Variants in CDK15 observed in about 807,000 individuals in gnomAD.
CDK15 encodes the protein cyclin dependent kinase 15, also known as cyclin-dependent kinase 15.
CDK15 carries 62 observed loss-of-function variants against 60.3 expected under a neutral mutation model. The ratio of observed to expected loss-of-function variants is 1.03; its 90% CI spans 0.84 to 1.27. The LOEUF is 1.27. Ranked by LOEUF, CDK15 falls within the 50% of genes most tolerant of loss-of-function variation. CDK15 has a pLI of 0.00. For missense variants in CDK15, 541 were observed against 527.8 expected, an observed-to-expected ratio of 1.03 and a Z score of -0.25; for synonymous variants, 194 against 195.7, an observed-to-expected ratio of 0.99 and a Z score of 0.07.
rs1385628938 is a variant in CDK15, at chr2:201,833,900, T to C, written c.659T>C (p.Val220Ala). The change falls in exon 7 of 14, where the codon GTT (valine) becomes GCT (alanine). Residue 220 changes from valine to alanine, a missense_variant. Coordinates refer to ENST00000652192, the MANE Select transcript of CDK15 (RefSeq NM_001366386.2). ...CTGGCGTACATCCACCACCAACACG[T>C]TCTTCACAGGGACCTGAAACCTCAG... ...RGLAYIHHQH[V>A]LHRDLKPQNL... The C allele has an allele frequency of 3.1e-6, 5 of 1,614,018 alleles. No homozygotes were observed. In the South Asian group the frequency reaches 5.5e-5, roughly 18 times the overall value.
chr2:201,876,705 G>A (rs957143972), intron 11 of CDK15: 13 of 469,508 alleles, frequency 2.8e-5, no homozygotes, highest in Admixed American at 2.1e-4. Context: ...TGGTTGAAAT[G>A]GAAAATCCTA....
intron 10 of CDK15, among the ~76,000 whole-genome samples, chr2:201,857,984 T>C (rs563782828): frequency 3.3e-5 from 5 of 152,204 alleles, no homozygotes; most frequent in African/African-American, 1.2e-4. Flanking sequence ...CCCATTCCTT[T>C]CCTTTTCATT....
rs544456965 is a variant in CDK15, at chr2:201,883,803, C to T, written c.1198+3636C>T. ...TCGTGGCTGAGCCAGCAGGGCAGGA[C>T]GTCAGCTGGAGCAGCTAGGACCTAA... On this transcript the variant is annotated intron_variant, in intron 12 of 13. Coordinates refer to ENST00000652192, the MANE Select transcript of CDK15 (RefSeq NM_001366386.2). Among the ~76,000 whole-genome samples, 19 of 152,336 alleles carry T rather than the reference C, an allele frequency of 1.2e-4. No homozygotes were observed. In the South Asian group the frequency reaches 3.3e-3, roughly 27 times the overall value.
chr2:201,830,200 C>T (rs1467138064), intron 6 of CDK15, among the ~76,000 whole-genome samples: 3 of 152,118 alleles, frequency 2.0e-5, no homozygotes, highest in African/African-American at 7.2e-5. Flanking sequence ...CTTGGCCTCC[C>T]AAAGTTCTGG....
chr2:201,858,352 C>T (rs192114550), intron 10 of CDK15, among the ~76,000 whole-genome samples: 15 of 150,214 alleles, frequency 1.0e-4, no homozygotes, highest in African/African-American at 3.7e-4. Flanking sequence ...TCCCTCCCTC[C>T]CTTCCTTCCT....
At chr2:201,830,500 A>C (rs1324526422) in intron 6 of CDK15, among the ~76,000 whole-genome samples, 1 of 152,206 alleles carries the variant, frequency 6.6e-6, no homozygotes, top group Non-Finnish European at 1.5e-5. Context: ...TAGGGGGATG[A>C]ATTTTGTATT....
intron 12 of CDK15, chr2:201,889,351 A>T: frequency 1.0e-6 from 1 of 984,762 alleles, no homozygotes; most frequent in Non-Finnish European, 1.2e-6. Context: ...TGCTTTGGTG[A>T]CAATGTGGCT....
chr2:201,822,755 G>T, intron 4 of CDK15, 54 bp from the exon 5 acceptor site: 1 of 1,014,614 alleles, frequency 9.9e-7, no homozygotes, highest in South Asian at 1.3e-5. Flanking sequence ...GATATCTTTA[G>T]AGCAGCACTT....
At chr2:201,888,425 T>C (rs1335371917) in intron 12 of CDK15, 5 of 1,529,908 alleles carry the variant, frequency 3.3e-6, no homozygotes, top group African/African-American at 1.4e-5. Context: ...TCAAAAAATT[T>C]TTAAACACCC....
rs145905632 is a variant in CDK15, at chr2:201,833,866, T to C, written c.625T>C (p.Leu209=). 444 of 1,613,856 alleles carry C rather than the reference T, an allele frequency of 2.8e-4. No individual in the cohort carries two copies. Among genetic ancestry groups the C allele is most frequent in the Non-Finnish European group, 3.5e-4 (410 of 1,179,942 alleles). ...HNVRLFMFQL[L]RGLAYIHHQH... is the part of the protein sequence containing the mutation. Reference sequence around the variant, plus strand: ...CTTCCAGCTTTTCATGTTTCAACTTTTGCGGGGCCTGGCGTACATCCACCA... The same window carrying C: ...CTTCCAGCTTTTCATGTTTCAACTTCTGCGGGGCCTGGCGTACATCCACCA... The change falls in exon 7 of 14, where the codon TTG becomes CTG. Residue 209 remains leucine (L), a synonymous_variant. Transcript: ENST00000652192.
chr2:201,851,322 A>C (rs1009339209), intron 9 of CDK15, among the ~76,000 whole-genome samples: 1 of 149,198 alleles, frequency 6.7e-6, no homozygotes, highest in African/African-American at 2.5e-5. Flanking sequence ...AAAAAAGAAC[A>C]GAAATTTATT....
chr2:201,837,435 AAGGAAGGAAGGAAAGGAAGG>A (rs1294826956), intron 8 of CDK15, among the ~76,000 whole-genome samples: 1 of 80,352 alleles, frequency 1.2e-5, no homozygotes, highest in African/African-American at 5.3e-5. Context: ...GGAGGAAGGG[AAGGAAGGAAGGAAAGGAAGG>A]AAGGAAGGAA....
intron 6 of CDK15, among the ~76,000 whole-genome samples, chr2:201,826,707 A>C (rs1030707768): frequency 3.3e-5 from 5 of 152,222 alleles, no homozygotes; most frequent in Non-Finnish European, 7.3e-5. Context: ...AGCAACCTGC[A>C]TTTTAAAAAA....
rs1017727754 is a variant in CDK15, at chr2:201,847,395, T to C, written c.866T>C (p.Ile289Thr). 5.0e-6 allele frequency: 8 copies of C among 1,613,958 alleles called. No individual in the cohort carries two copies. In the African/African-American group the frequency reaches 9.3e-5, roughly 19 times the overall value. The change falls in exon 9 of 14, where the codon ATC becomes ACC. Residue 289 changes from isoleucine (I) to threonine (T), a missense_variant. Coordinates refer to ENST00000652192, the MANE Select transcript of CDK15 (RefSeq NM_001366386.2). ...SELDIWGAGC[I>T]FIEMFQGQPL... ...TCATTTGCTAGGGGTGCAGGCTGCA[T>C]CTTTATTGAAATGTTCCAGGGTCAA...
chr2:201,870,534 G>A (rs928337998), intron 10 of CDK15, among the ~76,000 whole-genome samples: 7 of 131,414 alleles, frequency 5.3e-5, no homozygotes, highest in Non-Finnish European at 1.0e-4. Flanking sequence ...AAAAAAAAAA[G>A]CGAGACTCCC....
At chr2:201,806,933 G>A in intron 1 of CDK15, 146 bp downstream of exon 1, 10 of 985,180 alleles carry the variant, frequency 1.0e-5, no homozygotes, top group African/African-American at 8.2e-5. Flanking sequence ...AAAATTTATG[G>A]CTGTAGTTAT....
At chr2:201,836,073 T>TTTATATATATATTTTTATATA (rs869308361) in intron 8 of CDK15, among the ~76,000 whole-genome samples, 57 of 106,666 alleles carry the variant, frequency 5.3e-4, no homozygotes, top group African/African-American at 2.1e-3. Context: ...TATATTTATA[T>TTTATATATATATTTTTATATA]TTATATATAT....
intron 6 of CDK15, 148 bp downstream of exon 6, chr2:201,823,875 CGTTTTTGTTTTT>C: frequency 4.7e-6 from 3 of 632,360 alleles, no homozygotes; most frequent in Non-Finnish European, 2.6e-6. Flanking sequence ...GTTTTGTTTT[CGTTTTTGTTTTT>C]TTTTAAAAAG....
At chr2:201,820,850 C>T (rs1226719419) in intron 4 of CDK15, among the ~76,000 whole-genome samples, 1 of 152,058 alleles carries the variant, frequency 6.6e-6, no homozygotes, top group African/African-American at 2.4e-5. Flanking sequence ...ATAAATTTAG[C>T]CCATAAGGAC....
Sources: gnomAD v4.1 joint callset for allele counts (sites outside exome capture counted in the v4.1 genomes callset) on GRCh38, gnomAD v4.1.1 for gene constraint, MANE v1.5 for transcripts, NCBI Gene and HGNC (gene_info 2026-07-23, HGNC 2026-07-21) for gene names.